Variants in LYG2 observed in about 807,000 individuals in gnomAD.
LYG2 encodes the protein lysozyme g2.
LYG2 carries 25 observed loss-of-function variants against 22.4 expected under a neutral mutation model. That is an observed-to-expected ratio of 1.12 (90% CI 0.81 to 1.56). The LOEUF (loss-of-function observed/expected upper bound fraction) is 1.56, where lower values mean the gene tolerates loss of function less well. Ranked by LOEUF, LYG2 falls within the 40% of genes most tolerant of loss-of-function variation. The probability of loss-of-function intolerance (pLI) is 0.00; values close to 1 mark genes in which losing one functional copy is unlikely to be tolerated. For missense variants in LYG2, 266 were observed against 269.5 expected, an observed-to-expected ratio of 0.99 and a Z score of 0.09; for synonymous variants, 88 against 97.0, an observed-to-expected ratio of 0.91 and a Z score of 0.55.
intron 6 of LYG2, 90 bp from the exon 7 acceptor site, chr2:99,242,572 A>G: frequency 1.2e-6 from 1 of 844,148 alleles, no homozygotes; most frequent in South Asian, 2.0e-5. Context: ...TTTCCAGGCA[A>G]ATCTTCCAAA....
At chr2:99,250,373 CTTT>C (rs531807991) in intron 3 of LYG2, among the ~76,000 whole-genome samples, 4 of 130,362 alleles carry the variant, frequency 3.1e-5, no homozygotes, top group Admixed American at 8.3e-5. Context: ...TTTTCCAACT[CTTT>C]TTTTTTTTTT....
At chr2:99,246,630 T>G (rs1007988505) in intron 4 of LYG2, 50 bp downstream of exon 4, 1 of 1,585,844 alleles carries the variant, frequency 6.3e-7, no homozygotes, top group Non-Finnish European at 8.6e-7. Context: ...AGAAAGAATC[T>G]GAAAACGATG....
At chr2:99,243,637 G>A in intron 6 of LYG2, 1 of 607,296 alleles carries the variant, frequency 1.6e-6, no homozygotes, top group Non-Finnish European at 2.6e-6. Context: ...CCAGGCACAA[G>A]CAATCCTCCT....
chr2:99,259,538 G>A (rs1266756388), upstream of LYG2, among the ~76,000 whole-genome samples: 4 of 152,190 alleles, frequency 2.6e-5, no homozygotes, highest in Non-Finnish European at 4.4e-5. Flanking sequence ...GTTTGGAAAG[G>A]AGAAGGGAGA....
upstream of LYG2, among the ~76,000 whole-genome samples, chr2:99,256,912 G>A (rs1320874388): frequency 6.6e-6 from 1 of 152,230 alleles, no homozygotes; most frequent in East Asian, 1.9e-4. Flanking sequence ...CACTGGCCCT[G>A]TGAGGCAGGT....
At chr2:99,242,529 G>T in intron 6 of LYG2, 47 bp from the exon 7 acceptor site, 1 of 1,340,972 alleles carries the variant, frequency 7.5e-7, no homozygotes, top group African/African-American at 1.5e-5. Flanking sequence ...ACTTTCAACA[G>T]AAATAAGCAA....
At chr2:99,255,317 T>A (rs1053910312) in intron 1 of LYG2, 180 bp from the exon 2 acceptor site, 2 of 152,198 alleles carry the variant, frequency 1.3e-5, no homozygotes, top group African/African-American at 4.8e-5. Flanking sequence ...ATATATGGTT[T>A]AAAACCCTCT....
At chr2:99,259,720 T>A (rs968918694), upstream of LYG2, among the ~76,000 whole-genome samples, 3 of 152,164 alleles carry the variant, frequency 2.0e-5, no homozygotes, top group African/African-American at 4.8e-5. Context: ...ACCATTAGTA[T>A]TATACAATAC....
In LYG2 at chr2:99,242,492, AAC is replaced by A. The variant is rs756232635; in HGVS notation, c.521-12_521-11del. 2 of 1,546,208 alleles carry A rather than the reference AAC, an allele frequency of 1.3e-6. No homozygotes were observed. The highest frequency in any genetic ancestry group is 2.3e-5 in the South Asian group (2 of 88,792). On this transcript the variant is annotated splice_polypyrimidine_tract_variant and intron_variant, in intron 6 of 6. Transcript: ENST00000333017. ...AAAGCTGAGAGACCACCTGAAATGA[AAC>A]ACAGAGAATTAGGCTCAAATATTAA...
At chr2:99,248,833 A>C (rs1479493331) in intron 3 of LYG2, among the ~76,000 whole-genome samples, 2 of 151,904 alleles carry the variant, frequency 1.3e-5, no homozygotes, top group African/African-American at 4.8e-5. Context: ...GGGCACCATA[A>C]CAATTTAAAT....
At chr2:99,247,551 A>G (rs12615519) in intron 3 of LYG2, among the ~76,000 whole-genome samples, 62,422 of 151,812 alleles carry the variant, frequency 0.41, 13,240 homozygotes, top group East Asian at 0.64. Context: ...TAGTGAACAC[A>G]GTACCTGATG....
chr2:99,249,895 C>T (rs2094023144), intron 3 of LYG2, among the ~76,000 whole-genome samples: 1 of 151,994 alleles, frequency 6.6e-6, no homozygotes, highest in African/African-American at 2.4e-5. Flanking sequence ...TTCACTCTTG[C>T]AGCCCATCCT....
chr2:99,245,895 GTC>G (rs2094015348), intron 4 of LYG2, among the ~76,000 whole-genome samples: 1 of 152,088 alleles, frequency 6.6e-6, no homozygotes, highest in Non-Finnish European at 1.5e-5. Flanking sequence ...ATCACTTGAG[GTC>G]AGGAGCTCAA....
At chr2:99,243,718 T>G (rs1336781510) in intron 6 of LYG2, 11 of 435,630 alleles carry the variant, frequency 2.5e-5, no homozygotes, top group East Asian at 3.9e-5. Flanking sequence ...TTTTTTTTTT[T>G]GTAGAGACAG....
intron 5 of LYG2, 85 bp from the exon 6 acceptor site, chr2:99,244,222 A>T: frequency 1.5e-6 from 2 of 1,350,910 alleles, no homozygotes; most frequent in Non-Finnish European, 2.0e-6. Flanking sequence ...CTGGTATTCA[A>T]GTCATAGATA....
chr2:99,242,484 T>C lies in LYG2; in HGVS notation c.521-2A>G. On this transcript the variant is annotated splice_acceptor_variant, in intron 6 of 6. Transcript: ENST00000333017. LOFTEE classifies it high-confidence loss of function. ...CTGACTTAAAAGCTGAGAGACCACC[T>C]GAAATGAAACACAGAGAATTAGGCT... 6.3e-7 allele frequency: 1 copy of C among 1,584,432 alleles called. No individual in the cohort carries two copies. The highest frequency in any genetic ancestry group is 8.7e-7 in the Non-Finnish European group (1 of 1,154,540).
upstream of LYG2, among the ~76,000 whole-genome samples, chr2:99,257,169 C>T (rs2094037802): frequency 6.6e-6 from 1 of 152,218 alleles, no homozygotes; most frequent in Admixed American, 6.5e-5. Context: ...AAAATAACAC[C>T]ACTCACAGAT....
At chr2:99,258,544 C>A (rs985309368), upstream of LYG2, among the ~76,000 whole-genome samples, 1 of 152,196 alleles carries the variant, frequency 6.6e-6, no homozygotes, top group Non-Finnish European at 1.5e-5. Flanking sequence ...GACTCTGTAG[C>A]CTGCCTGGTA....
chr2:99,254,644 C>T (rs1295793819), intron 2 of LYG2, among the ~76,000 whole-genome samples: 1 of 151,976 alleles, frequency 6.6e-6, no homozygotes, highest in African/African-American at 2.4e-5. Context: ...TTCACCCTAC[C>T]CCTGGCTTCA....
Sources: allele counts gnomAD v4.1 joint callset (sites outside exome capture counted in the v4.1 genomes callset), GRCh38; gene constraint gnomAD v4.1.1; transcripts MANE v1.5; gene names NCBI Gene and HGNC (gene_info 2026-07-23, HGNC 2026-07-21).